Variants in DPY19L3 observed in about 807,000 individuals in gnomAD.
DPY19L3 encodes dpy-19 like C-mannosyltransferase 3, also known as protein C-mannosyl-transferase DPY19L3.
A neutral mutation model predicts 92.3 loss-of-function variants in DPY19L3; 51 were observed. The observed-to-expected ratio is 0.55, with a 90% confidence interval of 0.44 to 0.70. DPY19L3 has a LOEUF of 0.70. DPY19L3 is among the 30% of genes least tolerant of loss of function. The probability of loss-of-function intolerance (pLI) is 0.00; values close to 1 mark genes in which losing one functional copy is unlikely to be tolerated. For synonymous variants in DPY19L3, 309 were observed against 315.2 expected, an observed-to-expected ratio of 0.98 and a Z score of 0.21; for missense variants, 706 against 855.9, an observed-to-expected ratio of 0.82 and a Z score of 2.18.
Position 32,447,857 on chromosome 19 carries a change from T to C in DPY19L3, c.856-5288T>C, listed in dbSNP as rs188600027. On this transcript the variant is annotated intron_variant, in intron 8 of 18. Transcript: ENST00000392250. ...ATAGATAGATAGATAGATAGATAGA[T>C]AGAGCTGGCTCTTTGAAAGATTAGT... Among the ~76,000 whole-genome samples the C allele has an allele frequency of 1.4e-3, 216 of 151,918 alleles. 2 individuals carry two copies. The highest frequency in any genetic ancestry group is 4.8e-3 in the African/African-American group (199 of 41,438).
At chr19:32,464,923 T>C (rs1410477655) in intron 15 of DPY19L3, 139 bp downstream of exon 15, 1 of 416,398 alleles carries the variant, frequency 2.4e-6, no homozygotes, top group Admixed American at 4.5e-5. Context: ...TTACTGAAGG[T>C]GACATTGATG....
intron 15 of DPY19L3, 188 bp from the exon 16 acceptor site, chr19:32,468,543 A>C (rs1002833957): frequency 8.1e-6 from 10 of 1,240,750 alleles, no homozygotes; most frequent in East Asian, 3.2e-5. Flanking sequence ...AATTTCAGAA[A>C]CTTCCCAGGC....
chr19:32,474,315 A>AT (rs1970440635), intron 16 of DPY19L3, among the ~76,000 whole-genome samples: 1 of 152,014 alleles, frequency 6.6e-6, no homozygotes, highest in South Asian at 2.1e-4. Flanking sequence ...GCTTCATTCC[A>AT]TTTTTTCTTT....
intron 3 of DPY19L3, chr19:32,411,731 C>G (rs1382313638): frequency 3.8e-6 from 1 of 260,964 alleles, no homozygotes; most frequent in Non-Finnish European, 7.1e-6. Flanking sequence ...CCACACCCAG[C>G]TAATTTTTGT....
At chr19:32,439,270 C>T (rs1969248703) in intron 7 of DPY19L3, 35 bp downstream of exon 7, 1 of 1,590,568 alleles carries the variant, frequency 6.3e-7, no homozygotes, top group Non-Finnish European at 8.6e-7. Flanking sequence ...ATTTTAATCC[C>T]CCAATTTTAT....
At chr19:32,479,108 G>A (rs1434287720) in intron 17 of DPY19L3, among the ~76,000 whole-genome samples, 2 of 152,122 alleles carry the variant, frequency 1.3e-5, no homozygotes, top group African/African-American at 4.8e-5. Context: ...AAAAGTTGTT[G>A]AAAAAGTCTT....
At chr19:32,427,826 CTGT>C (rs1156244937) in intron 3 of DPY19L3, among the ~76,000 whole-genome samples, 5 of 152,126 alleles carry the variant, frequency 3.3e-5, no homozygotes, top group Middle Eastern at 3.2e-3. Context: ...TTAAGAACAG[CTGT>C]CTTATGGGCT....
At chr19:32,471,258 C>A (rs553163168) in intron 16 of DPY19L3, among the ~76,000 whole-genome samples, 2 of 152,214 alleles carry the variant, frequency 1.3e-5, no homozygotes, top group African/African-American at 4.8e-5. Flanking sequence ...AGTCCCAAGA[C>A]GCCTGGCAGA....
chr19:32,477,024 C>G (rs1191198000), intron 16 of DPY19L3, among the ~76,000 whole-genome samples: 3 of 152,004 alleles, frequency 2.0e-5, no homozygotes, highest in African/African-American at 7.2e-5. Flanking sequence ...ACATGTTGCT[C>G]TAGGTAGCTC....
At chr19:32,434,518 G>A (rs1200076955) in intron 4 of DPY19L3, among the ~76,000 whole-genome samples, 1 of 152,138 alleles carries the variant, frequency 6.6e-6, no homozygotes, top group Admixed American at 6.5e-5. Context: ...AATTAGCCGG[G>A]CGTAGTGGCG....
chr19:32,454,909 G>C (rs767636068), intron 9 of DPY19L3, 30 bp from the exon 10 acceptor site: 2 of 1,376,714 alleles, frequency 1.5e-6, no homozygotes, highest in Admixed American at 2.4e-5. Context: ...TAAAACTTAA[G>C]AATTAAAACA....
Position 32,420,073 on chromosome 19 carries a change from T to C in DPY19L3, c.237+8701T>C, listed in dbSNP as rs543193214. Among the ~76,000 whole-genome samples, 6 of 151,836 alleles carry C rather than the reference T, an allele frequency of 4.0e-5. No homozygotes were observed. The South Asian group carries it at 1.2e-3, about 32-fold the overall frequency. On this transcript the variant is annotated intron_variant, in intron 3 of 18. Transcript: ENST00000392250. ...CGGGGTTTCACCATCTTGGCCAGGA[T>C]GGTCTCGATCTCTTGACCTCATGAT...
At chr19:32,472,119 A>G (rs1336326847) in intron 16 of DPY19L3, among the ~76,000 whole-genome samples, 2 of 152,128 alleles carry the variant, frequency 1.3e-5, no homozygotes, top group Non-Finnish European at 2.9e-5. Context: ...TAAGATCTTC[A>G]GTGGCTTAGC....
Position 32,437,482 on chromosome 19 carries a change from A to G in DPY19L3, c.596+143A>G. The G allele has an allele frequency of 8.7e-6, 8 of 923,388 alleles. No homozygotes were observed. The South Asian group carries it at 1.6e-4, about 18-fold the overall frequency. 57.2% of individuals were successfully genotyped at this position (923,388 alleles called of 1,614,324 possible). A position where few individuals can be genotyped will look rare whatever the true frequency, so the allele number is the denominator to read the frequency against. ...CTTTGGTTTGCCTGGTGGTTTACTC[A>G]ATTTTTCTTATTTAGTTAGGGAGAA... On this transcript the variant is annotated intron_variant, in intron 6 of 18. Coordinates refer to ENST00000392250, the MANE Select transcript of DPY19L3 (RefSeq NM_001172774.2).
intron 16 of DPY19L3, among the ~76,000 whole-genome samples, chr19:32,470,465 C>G (rs1970323556): frequency 6.6e-6 from 1 of 152,132 alleles, no homozygotes. Context: ...AGATTAGCAC[C>G]ATAAACACCC....
At chr19:32,411,651 T>G in intron 3 of DPY19L3, 1 of 385,580 alleles carries the variant, frequency 2.6e-6, no homozygotes, top group East Asian at 4.1e-5. Flanking sequence ...CACTACAACC[T>G]CTGCCTCGCA....
In DPY19L3 at chr19:32,480,442, C is replaced by T. The variant is rs545574061; in HGVS notation, c.1874C>T (p.Ala625Val). 2 of 1,613,862 alleles carry T rather than the reference C, an allele frequency of 1.2e-6. No homozygotes were observed. Among genetic ancestry groups the T allele is most frequent in the East Asian group, 2.2e-5 (1 of 44,866 alleles). The change falls in exon 18 of 19, where the codon GCC (alanine) becomes GTC (valine). Residue 625 changes from alanine to valine, a missense_variant. Ala to Val is a moderately conservative substitution (Grantham distance 64). Transcript: ENST00000392250. ...YAKRAPEEVH[A>V]LLRSFGTDYV... ...AAGAGGGCACCAGAGGAAGTGCATG[C>T]CCTCCTAAGGTCCTTCGGCACTGAC...
chr19:32,453,027 T>C, intron 8 of DPY19L3, 118 bp from the exon 9 acceptor site: 1 of 1,210,062 alleles, frequency 8.3e-7, no homozygotes, highest in Non-Finnish European at 1.2e-6. Context: ...TTCTTGAATC[T>C]ACATGTGTTT....
intron 1 of DPY19L3, among the ~76,000 whole-genome samples, chr19:32,407,002 CTTTTT>C (rs11428433): frequency 0.038 from 4,988 of 132,236 alleles, 327 homozygotes; most frequent in Admixed American, 0.19. Context: ...TGGCTTCCTG[CTTTTT>C]TTTTTTTTTT....
Sources: allele counts gnomAD v4.1 joint callset (sites outside exome capture counted in the v4.1 genomes callset), GRCh38; gene constraint gnomAD v4.1.1; transcripts MANE v1.5; gene names NCBI Gene and HGNC (gene_info 2026-07-23, HGNC 2026-07-21).